SLC38A8: variants seen among roughly 807,000 people sequenced by gnomAD.
SLC38A8 encodes the protein amino acid transporter SLC38A8.
SLC38A8 carries 65 observed loss-of-function variants against 46.0 expected under a neutral mutation model. The observed-to-expected ratio is 1.41, with a 90% confidence interval of 1.16 to 1.74. The LOEUF (loss-of-function observed/expected upper bound fraction) is 1.74, where lower values mean the gene tolerates loss of function less well. Ranked by LOEUF, SLC38A8 falls within the 40% of genes most tolerant of loss-of-function variation. The pLI is 0.00. For missense variants in SLC38A8, 998 were observed against 567.9 expected (o/e 1.76, Z -7.70); for synonymous variants, 447 against 243.7 (o/e 1.83, Z -7.77).
At chr16:84,022,414 C>T (rs780923782) in intron 7 of SLC38A8, among the ~76,000 whole-genome samples, 1 of 152,192 alleles carries the variant, frequency 6.6e-6, no homozygotes, top group Non-Finnish European at 1.5e-5. Flanking sequence ...TTTTGTAAAC[C>T]CTACCCAGAT....
rs2085267188 is a variant in SLC38A8 at position 84,033,362 on chromosome 16, C to T, written c.496G>A (p.Ala166Thr). 6.2e-7 allele frequency: 1 copy of T among 1,614,030 alleles called. No individual in the cohort carries two copies. Residue 166 changes from alanine to threonine, a missense_variant, in exon 4 of 11, where the codon GCC becomes ACC. Transcript: ENST00000299709. ...TTCTGGAAGGCGATCTCCCGCGGGG[C>T]AGACAGGGGCAGGATGACCAGCACG... ...LSVLVILPLS[A>T]PREIAFQKYT...
chr16:84,026,638 C>A (rs539415043), intron 6 of SLC38A8, among the ~76,000 whole-genome samples: 1 of 152,200 alleles, frequency 6.6e-6, no homozygotes, highest in Non-Finnish European at 1.5e-5. Context: ...GAAGACGACA[C>A]AGTGGCCAAA....
In SLC38A8 at chr16:84,042,094, C is replaced by T; in HGVS notation, c.64G>A (p.Ala22Thr). ...ACAGCGCCCATCGAGGACAGAGTGG[C>T]AGCAGCCGTGGCAGGGTGAGGCTTT... ...PEKPHPATAAATLSSMGAVFI... is the reference protein window; with the variant it reads ...PEKPHPATAATTLSSMGAVFI... Residue 22 changes from alanine to threonine, a missense_variant, in exon 2 of 11, where the codon GCC becomes ACC. Coordinates refer to ENST00000299709, the MANE Select transcript of SLC38A8 (RefSeq NM_001080442.3). 1.2e-6 allele frequency: 2 copies of T among 1,614,022 alleles called. No individual in the cohort carries two copies. The highest frequency in any genetic ancestry group is 8.5e-7 in the Non-Finnish European group (1 of 1,179,978).
At chr16:84,043,086 G>A (rs969089573), upstream of SLC38A8, among the ~76,000 whole-genome samples, 3 of 152,172 alleles carry the variant, frequency 2.0e-5, no homozygotes, top group African/African-American at 7.2e-5. Flanking sequence ...CCGTCCGCAG[G>A]TGCTGCCTCC....
At chr16:84,043,359 G>A (rs2085387831), upstream of SLC38A8, among the ~76,000 whole-genome samples, 1 of 152,156 alleles carries the variant, frequency 6.6e-6, no homozygotes, top group East Asian at 1.9e-4. Flanking sequence ...TTTATTCCTG[G>A]AACCCAGGCT....
At chr16:84,013,809 T>A (rs938622189) in intron 9 of SLC38A8, among the ~76,000 whole-genome samples, 3 of 151,184 alleles carry the variant, frequency 2.0e-5, no homozygotes, top group Non-Finnish European at 2.9e-5. Context: ...GGATCCTCTC[T>A]CAACTCAAAC....
intron 8 of SLC38A8, 33 bp downstream of exon 8, chr16:84,017,107 C>G: frequency 5.0e-6 from 8 of 1,611,988 alleles, no homozygotes; most frequent in Admixed American, 1.7e-5. Context: ...GCAGACCATG[C>G]TTCACGGTGC....
At chr16:84,023,021 T>A in intron 6 of SLC38A8, 132 bp from the exon 7 acceptor site, 1 of 624,166 alleles carries the variant, frequency 1.6e-6, no homozygotes, top group Admixed American at 3.4e-5. Context: ...TGATCAATCC[T>A]TTATTCTTTA....
intron 3 of SLC38A8, 22 bp downstream of exon 3, chr16:84,036,680 C>T (rs113864490): frequency 4.2e-5 from 67 of 1,613,358 alleles, no homozygotes; most frequent in African/African-American, 4.0e-4. Flanking sequence ...TGGGCCACCC[C>T]GAGTCCCATG....
chr16:84,034,771 G>C (rs868803191), intron 3 of SLC38A8, among the ~76,000 whole-genome samples: 1 of 152,104 alleles, frequency 6.6e-6, no homozygotes, highest in Middle Eastern at 3.2e-3. Context: ...GGACTGCACC[G>C]AGATCGTGGG....
chr16:84,042,019 AG>A lies in SLC38A8; in HGVS notation c.138del (p.Trp47GlyfsTer23), dbSNP rs746925469. 4.3e-6 allele frequency: 7 copies of A among 1,613,178 alleles called. No homozygotes were observed. The highest frequency in any genetic ancestry group is 5.9e-6 in the Non-Finnish European group (7 of 1,179,646). On this transcript the variant is annotated frameshift_variant, in exon 2 of 11. Transcript: ENST00000299709. LOFTEE classifies it high-confidence loss of function. ...ACTCCGCCCGCTTTGGAGAAGGCCC[AG>A]GGGAAGTTGAGCAGGCCAGCTCCCA... Reference protein sequence around the residue: ...SALGAGLLNFPWAFSKAGGVV... With the variant: ...SALGAGLLNFXWAFSKAGGVV...
intron 2 of SLC38A8, chr16:84,041,212 G>A (rs539831343): frequency 6.6e-6 from 1 of 152,346 alleles, no homozygotes; most frequent in Non-Finnish European, 1.5e-5. Flanking sequence ...GCACCCGGCA[G>A]GCAGGAGAGC....
At chr16:84,019,997 A>G (rs2085076660) in intron 7 of SLC38A8, among the ~76,000 whole-genome samples, 1 of 152,246 alleles carries the variant, frequency 6.6e-6, no homozygotes, top group Non-Finnish European at 1.5e-5. Flanking sequence ...TGATGCCTGA[A>G]GTTCTCGCAG....
At chr16:84,016,823 C>T (rs554419062) in intron 8 of SLC38A8, 96 bp from the exon 9 acceptor site, 211 of 1,309,856 alleles carry the variant, frequency 1.6e-4, no homozygotes, top group Non-Finnish European at 2.1e-4. Context: ...CCCCTCACAC[C>T]TGTCAGTGCT....
chr16:84,022,201 G>A (rs912100677), intron 7 of SLC38A8, among the ~76,000 whole-genome samples: 6 of 152,216 alleles, frequency 3.9e-5, no homozygotes, highest in Admixed American at 2.0e-4. Flanking sequence ...TAGACTGGAG[G>A]ATACGTTGGT....
intron 2 of SLC38A8, among the ~76,000 whole-genome samples, chr16:84,038,894 A>G (rs528473591): frequency 2.2e-4 from 34 of 152,360 alleles, no homozygotes; most frequent in African/African-American, 7.7e-4. Context: ...CAATTAGCTG[A>G]GCATGGTGGT....
Position 84,036,742 on chromosome 16 carries a change from G to C in SLC38A8, c.348C>G (p.Ser116=), listed in dbSNP as rs762798344. The C allele has an allele frequency of 1.2e-5, 19 of 1,614,208 alleles. No homozygotes were observed. In the East Asian group the frequency reaches 4.2e-4, roughly 36 times the overall value. The change falls in exon 3 of 11, where the codon TCC becomes TCG. Residue 116 remains serine, a synonymous_variant. Transcript: ENST00000299709. ...CCCCGATCACCCTGAGGAAGGCCACGGAGATCATGAGCAGGTTGAGGAGGA... is the reference window on the plus strand; with the variant it reads ...CCCCGATCACCCTGAGGAAGGCCACCGAGATCATGAGCAGGTTGAGGAGGA... The part of the protein sequence containing the change: ...ACFLLNLLMI[S]VAFLRVIGDQ...
chr16:84,036,578 G>C (rs1453352799), intron 3 of SLC38A8, 124 bp downstream of exon 3: 2 of 1,100,134 alleles, frequency 1.8e-6, no homozygotes, highest in African/African-American at 1.6e-5. Context: ...CAAGAGTGTG[G>C]TTTCAGCCTC....
At chr16:84,013,263 G>A (rs111823000) in intron 9 of SLC38A8, among the ~76,000 whole-genome samples, 1,637 of 152,172 alleles carry the variant, frequency 0.011, 25 homozygotes, top group African/African-American at 0.036. Context: ...TTAGGCAGAG[G>A]TCTGGCAGCA....
Sources: allele counts gnomAD v4.1 joint callset (sites outside exome capture counted in the v4.1 genomes callset), GRCh38; gene constraint gnomAD v4.1.1; transcripts MANE v1.5; gene names NCBI Gene and HGNC (gene_info 2026-07-23, HGNC 2026-07-21).